ALK: variants seen among roughly 807,000 people sequenced by gnomAD.
ALK encodes the protein ALK tyrosine kinase receptor.
ALK carries 74 observed loss-of-function variants against 163.1 expected under a neutral mutation model. The observed-to-expected ratio is 0.45, with a 90% confidence interval of 0.38 to 0.55. The LOEUF (loss-of-function observed/expected upper bound fraction) is 0.55, where lower values mean the gene tolerates loss of function less well. Among genes scored for constraint, ALK ranks in the 20% least tolerant of loss-of-function variants. ALK has a pLI of 0.00. For missense variants in ALK, 2,063 were observed against 2,105.3 expected, an observed-to-expected ratio of 0.98 and a Z score of 0.39; for synonymous variants, 960 against 843.2, an observed-to-expected ratio of 1.14 and a Z score of -2.40.
rs552629712 is a variant in ALK, at chr2:29,452,589, T to C, written c.1155-68730A>G. Among the ~76,000 whole-genome samples, 3 of 152,320 alleles carry C rather than the reference T, an allele frequency of 2.0e-5. No individual in the cohort carries two copies. The East Asian group carries it at 5.8e-4, about 29-fold the overall frequency. ...ATAATAAAATCAATGGAGGAAAGCA[T>C]GATGAGAAACAGGATATTTATATAG... On this transcript the variant is annotated intron_variant, in intron 4 of 28. Coordinates refer to ENST00000389048, the MANE Select transcript of ALK (RefSeq NM_004304.5).
chr2:29,524,053 C>T (rs1337724246), intron 4 of ALK, among the ~76,000 whole-genome samples: 1 of 151,966 alleles, frequency 6.6e-6, no homozygotes, highest in Non-Finnish European at 1.5e-5. Context: ...GGGTGGAGGG[C>T]AGGGAGAAAA....
In ALK at chr2:29,232,422, CA is replaced by C. The variant is rs1573139642; in HGVS notation, c.2513del (p.Leu838ArgfsTer31). ...FKMKDGVPVPLIIAAGGGGRA... is the reference protein window; with the variant it reads ...FKMKDGVPVPXIIAAGGGGRA... ...TGCCACCACCTCCGGCTGCAATGAT[CA>C]GGGGCACCGGCACTCCATCCTTCAT... On this transcript the variant is annotated frameshift_variant, in exon 15 of 29. Transcript: ENST00000389048. LOFTEE classifies it high-confidence loss of function. The C allele has an allele frequency of 1.2e-6, 2 of 1,614,244 alleles. No individual in the cohort carries two copies. Among genetic ancestry groups the C allele is most frequent in the Non-Finnish European group, 1.7e-6 (2 of 1,180,046 alleles).
At chr2:29,261,235 A>G (rs7561367) in intron 11 of ALK, among the ~76,000 whole-genome samples, 116,000 of 152,134 alleles carry the variant, frequency 0.76, 44,637 homozygotes, top group Non-Finnish European at 0.81. Flanking sequence ...GATACCATGC[A>G]GGTCTTGTGG....
At chr2:29,563,027 T>C (rs1160799783) in intron 3 of ALK, among the ~76,000 whole-genome samples, 1 of 152,174 alleles carries the variant, frequency 6.6e-6, no homozygotes, top group Non-Finnish European at 1.5e-5. Flanking sequence ...CTTATGTGGC[T>C]TTACTCACAA....
rs1553315937 is a variant in ALK at position 29,440,318 on chromosome 2, AT to A, written c.1155-56460del. ...GTTACGTAGGTTACGTGATGAATCA[AT>A]TTTTTTTTTTTTTTTTTGAGACGGA... On this transcript the variant is annotated intron_variant, in intron 4 of 28. Transcript: ENST00000389048. Among the ~76,000 whole-genome samples, 257 of 83,134 alleles carry A rather than the reference AT, an allele frequency of 3.1e-3. 1 individual carries two copies. The highest frequency in any genetic ancestry group is 6.8e-3 in the African/African-American group (193 of 28,248). The allele number at this position is 83,134 out of a possible 152,430, so 54.5% of individuals were successfully genotyped here.
intron 18 of ALK, among the ~76,000 whole-genome samples, chr2:29,226,691 G>A (rs1311277537): frequency 6.6e-6 from 1 of 152,102 alleles, no homozygotes; most frequent in Non-Finnish European, 1.5e-5. Context: ...TGGCCCCTTG[G>A]TGGGGGTGGT....
intron 4 of ALK, among the ~76,000 whole-genome samples, chr2:29,400,114 T>G (rs1669407999): frequency 6.6e-6 from 1 of 152,188 alleles, no homozygotes; most frequent in Non-Finnish European, 1.5e-5. Context: ...TTGAGTTAAA[T>G]CATATGCCAC....
chr2:29,210,796 C>G (rs1669444890), intron 24 of ALK, among the ~76,000 whole-genome samples: 1 of 152,184 alleles, frequency 6.6e-6, no homozygotes, highest in African/African-American at 2.4e-5. Context: ...ATCGCTTCTT[C>G]CAGGTGATAA....
chr2:29,845,358 G>A lies in ALK; in HGVS notation c.667+74635C>T, dbSNP rs554115098. ...ACTCTGTAAATAAATAAGGTTTCAC[G>A]GTTAAGTAAGCTTGGGACATGTTGG... On this transcript the variant is annotated intron_variant, in intron 1 of 28. Coordinates refer to ENST00000389048, the MANE Select transcript of ALK (RefSeq NM_004304.5). Among the ~76,000 whole-genome samples, 81 of 152,240 alleles carry A rather than the reference G, an allele frequency of 5.3e-4. No homozygotes were observed. In the Middle Eastern group the frequency reaches 0.02, roughly 38 times the overall value.
At chr2:29,642,698 C>G (rs1285513824) in intron 3 of ALK, among the ~76,000 whole-genome samples, 1 of 152,122 alleles carries the variant, frequency 6.6e-6, no homozygotes, top group African/African-American at 2.4e-5. Context: ...CTCACCTATT[C>G]AGCTCTTCTT....
At chr2:29,693,786 G>A (rs895806168) in intron 3 of ALK, among the ~76,000 whole-genome samples, 1 of 152,178 alleles carries the variant, frequency 6.6e-6, no homozygotes, top group African/African-American at 2.4e-5. Context: ...GAAGCATGAT[G>A]TGGTGGAAAG....
chr2:29,210,930 G>A (rs1323727676), intron 24 of ALK, among the ~76,000 whole-genome samples: 2 of 152,156 alleles, frequency 1.3e-5, no homozygotes, highest in African/African-American at 2.4e-5. Flanking sequence ...GGTCATGCAT[G>A]TAGGAATGAA....
At chr2:29,374,998 G>A (rs926753976) in intron 5 of ALK, among the ~76,000 whole-genome samples, 1 of 152,172 alleles carries the variant, frequency 6.6e-6, no homozygotes, top group Non-Finnish European at 1.5e-5. Context: ...CCAGGTGGTG[G>A]CACCTCCCCA....
chr2:29,213,902 G>C lies in ALK; in HGVS notation c.3743+82C>G, dbSNP rs1207436532. On this transcript the variant is annotated intron_variant, in intron 24 of 28. Coordinates refer to ENST00000389048, the MANE Select transcript of ALK (RefSeq NM_004304.5). ...GACCTAGTATTCTGCTCTGAAGGGG[G>C]AAATGTGAGCCCTTGAGATCTGCGG... is the stretch of plus-strand genomic sequence containing the variant. The C allele has an allele frequency of 3.2e-5, 38 of 1,192,566 alleles. No individual in the cohort carries two copies. In the East Asian group the frequency reaches 8.9e-4, roughly 28 times the overall value. 73.9% of individuals were successfully genotyped at this position (1,192,566 alleles called of 1,614,324 possible). A position where few individuals can be genotyped will look rare whatever the true frequency, so the allele number is the denominator to read the frequency against.
intron 24 of ALK, among the ~76,000 whole-genome samples, chr2:29,212,345 A>G (rs1192099418): frequency 6.6e-6 from 1 of 152,218 alleles, no homozygotes; most frequent in Non-Finnish European, 1.5e-5. Context: ...AATGCAAAGG[A>G]CAAGAACAGG....
intron 28 of ALK, among the ~76,000 whole-genome samples, chr2:29,195,925 G>A (rs976941478): frequency 6.6e-6 from 1 of 152,176 alleles, no homozygotes; most frequent in African/African-American, 2.4e-5. Context: ...AAGGGGAGGA[G>A]AGACGGGAAG....
intron 25 of ALK, chr2:29,208,175 C>G: frequency 5.1e-6 from 2 of 394,002 alleles, no homozygotes; most frequent in South Asian, 3.6e-5. Flanking sequence ...GGCTCAGTGA[C>G]ACAAATGAAG....
At chr2:29,698,681 CT>C (rs1298419539) in intron 2 of ALK, among the ~76,000 whole-genome samples, 1 of 152,182 alleles carries the variant, frequency 6.6e-6, no homozygotes, top group Non-Finnish European at 1.5e-5. Context: ...ATTCTTGGAT[CT>C]TTGAACTCTG....
chr2:29,572,560 C>T (rs942664462), intron 3 of ALK, among the ~76,000 whole-genome samples: 3 of 152,158 alleles, frequency 2.0e-5, no homozygotes, highest in Non-Finnish European at 2.9e-5. Flanking sequence ...CCCTTTGTGG[C>T]GCCTATCTGG....
Sources: allele counts gnomAD v4.1 joint callset (sites outside exome capture counted in the v4.1 genomes callset), GRCh38; gene constraint gnomAD v4.1.1; transcripts MANE v1.5; gene names NCBI Gene and HGNC (gene_info 2026-07-23, HGNC 2026-07-21).